YEATS2: variants seen among roughly 807,000 people sequenced by gnomAD.
YEATS2 encodes the protein YEATS domain-containing protein 2.
A neutral mutation model predicts 163.2 loss-of-function variants in YEATS2; 77 were observed. The observed-to-expected ratio is 0.47, with a 90% CI of 0.39 to 0.57. The LOEUF is 0.57. Ranked by LOEUF, YEATS2 falls within the 20% of genes least tolerant of loss-of-function variation. YEATS2 has a pLI of 0.00. For synonymous variants in YEATS2, 631 were observed against 645.1 expected, an observed-to-expected ratio of 0.98 and a Z score of 0.33; for missense variants, 1,549 against 1,729.8, an observed-to-expected ratio of 0.90 and a Z score of 1.85.
In YEATS2 at chr3:183,767,557, A is replaced by T. The variant is rs557085762; in HGVS notation, c.1948-4748A>T. On this transcript the variant is annotated intron_variant, in intron 15 of 30. Coordinates refer to ENST00000305135, the MANE Select transcript of YEATS2 (RefSeq NM_018023.5). ...CACCATGCCTAGCTAATTTTTTTGT[A>T]TTTTTAGTAGAGACAGGGTTTCACT... Among the ~76,000 whole-genome samples the T allele has an allele frequency of 1.4e-4, 21 of 151,866 alleles. No individual in the cohort carries two copies. In the South Asian group the frequency reaches 2.9e-3, roughly 21 times the overall value.
chr3:183,765,536 G>A (rs112685969), intron 15 of YEATS2, among the ~76,000 whole-genome samples: 3,632 of 152,316 alleles, frequency 0.024, 148 homozygotes, highest in African/African-American at 0.083. Context: ...GCAGTAGTGC[G>A]TGAGATGATA....
chr3:183,729,281 A>G (rs1717461209), intron 7 of YEATS2, among the ~76,000 whole-genome samples: 1 of 152,096 alleles, frequency 6.6e-6, no homozygotes, highest in South Asian at 2.1e-4. Context: ...CAAAAAAAAA[A>G]AAAAAGGTAG....
chr3:183,732,468 A>T (rs1018615917), intron 7 of YEATS2, among the ~76,000 whole-genome samples: 7 of 150,286 alleles, frequency 4.7e-5, no homozygotes, highest in Non-Finnish European at 8.9e-5. Flanking sequence ...AAATAAATAA[A>T]AAATAAATAA....
intron 27 of YEATS2, among the ~76,000 whole-genome samples, chr3:183,805,366 C>A (rs1726083683): frequency 1.3e-5 from 2 of 152,208 alleles, no homozygotes; most frequent in African/African-American, 4.8e-5. Flanking sequence ...CACCACTGCA[C>A]TCCAGCCTGG....
chr3:183,795,483 T>TTTA (rs146253574), intron 21 of YEATS2, among the ~76,000 whole-genome samples: 36,375 of 123,198 alleles, frequency 0.3, 7,717 homozygotes, highest in Non-Finnish European at 0.36. Context: ...TTTTTTTTTT[T>TTTA]AGAGACGGGG....
At chr3:183,796,254 T>C (rs1254566636) in intron 21 of YEATS2, among the ~76,000 whole-genome samples, 1 of 149,270 alleles carries the variant, frequency 6.7e-6, no homozygotes, top group Non-Finnish European at 1.5e-5. Flanking sequence ...TGCCTCAGCC[T>C]CCCAAAGTGC....
At chr3:183,759,741 T>C (rs1486832182) in intron 13 of YEATS2, among the ~76,000 whole-genome samples, 1 of 152,204 alleles carries the variant, frequency 6.6e-6, no homozygotes, top group Non-Finnish European at 1.5e-5. Flanking sequence ...GCCCTCAGCT[T>C]ACGCTGGGGT....
At chr3:183,789,339 C>T (rs964178137) in intron 20 of YEATS2, among the ~76,000 whole-genome samples, 4 of 151,982 alleles carry the variant, frequency 2.6e-5, no homozygotes, top group African/African-American at 9.7e-5. Flanking sequence ...ATAAAGATAT[C>T]CAGTTTTCCC....
chr3:183,768,574 T>C lies in YEATS2; in HGVS notation c.1948-3731T>C, dbSNP rs377415059. 1.2e-4 allele frequency among the ~76,000 whole-genome samples: 18 copies of C among 152,208 alleles called. 1 individual carries two copies. Among genetic ancestry groups the C allele is most frequent in the Admixed American group, 5.2e-4 (8 of 15,282 alleles). ...TTTCTTTCATAAATATACAGAAAAG[T>C]TCTTGATCAGTAAGAAGGGTTTCCG... On this transcript the variant is annotated intron_variant, in intron 15 of 30. Transcript: ENST00000305135.
At position 183,810,589 on chromosome 3, in the gene YEATS2, G is replaced by GT; in HGVS notation, c.*7dup. On this transcript the variant is annotated 3_prime_UTR_variant, in exon 31 of 31. Transcript: ENST00000305135. ...TATTGAATGAGGACCAGTGAGCGGA[G>GT]TGAGGTGCCCTGGAGAAGCAGGCTT... The GT allele has an allele frequency of 6.2e-7, 1 of 1,612,756 alleles. No individual in the cohort carries two copies. The highest frequency in any genetic ancestry group is 1.7e-4 in the Middle Eastern group (1 of 6,060).
intron 25 of YEATS2, 72 bp downstream of exon 25, chr3:183,801,600 A>T: frequency 8.5e-7 from 1 of 1,171,820 alleles, no homozygotes; most frequent in Non-Finnish European, 1.2e-6. Flanking sequence ...GTCAACTGAA[A>T]TCACTTGGGA....
At chr3:183,778,756 TTTTCC>T (rs1227360627) in intron 19 of YEATS2, among the ~76,000 whole-genome samples, 1 of 152,200 alleles carries the variant, frequency 6.6e-6, no homozygotes, top group Non-Finnish European at 1.5e-5. Flanking sequence ...AAGTGGAAGC[TTTTCC>T]TTTCTTTTCT....
chr3:183,732,235 G>A (rs911832786), intron 7 of YEATS2, among the ~76,000 whole-genome samples: 1 of 151,686 alleles, frequency 6.6e-6, no homozygotes, highest in Non-Finnish European at 1.5e-5. Flanking sequence ...TGGATCACGA[G>A]ATCAGGCGTT....
chr3:183,725,443 G>A (rs1055053651), intron 6 of YEATS2, among the ~76,000 whole-genome samples: 4 of 152,086 alleles, frequency 2.6e-5, no homozygotes, highest in Admixed American at 6.6e-5. Context: ...AGACATACTC[G>A]AGACTGGGTA....
At chr3:183,794,808 A>T (rs1292447245) in intron 21 of YEATS2, among the ~76,000 whole-genome samples, 3 of 152,068 alleles carry the variant, frequency 2.0e-5, no homozygotes. Context: ...TTTTTAAGGC[A>T]TTTATACCCT....
At chr3:183,799,833 T>G (rs1164625518) in intron 23 of YEATS2, among the ~76,000 whole-genome samples, 4 of 128,808 alleles carry the variant, frequency 3.1e-5, no homozygotes, top group Non-Finnish European at 6.2e-5. Flanking sequence ...TTTTTTTTTC[T>G]TTTTTTTTTT....
At position 183,730,071 on chromosome 3, in the gene YEATS2, T is replaced by G. The variant is rs1454055186; in HGVS notation, c.812+1220T>G. Among the ~76,000 whole-genome samples, 79 of 116,858 alleles carry G rather than the reference T, an allele frequency of 6.8e-4. 2 individuals are homozygous for G. Among genetic ancestry groups the G allele is most frequent in the Middle Eastern group, 3.9e-3 (1 of 258 alleles). The allele number at this position is 116,858 out of a possible 152,430, so 76.7% of individuals were successfully genotyped here. On this transcript the variant is annotated intron_variant, in intron 7 of 30. Transcript: ENST00000305135. ...TTGTTTGTTTTTTTTTTTTTTTTTT[T>G]TTTTTTTTTTTTTTTTGGAGACACA... is the stretch of plus-strand genomic sequence containing the variant.
chr3:183,732,069 A>G (rs561182513), intron 7 of YEATS2, among the ~76,000 whole-genome samples: 38 of 152,232 alleles, frequency 2.5e-4, no homozygotes, highest in Admixed American at 2.4e-3. Context: ...GGAAATGTAT[A>G]TAAGTCTATT....
chr3:183,720,969 T>C (rs1399802137), intron 4 of YEATS2, among the ~76,000 whole-genome samples: 1 of 152,220 alleles, frequency 6.6e-6, no homozygotes, highest in East Asian at 1.9e-4. Context: ...TCCCTCTTCT[T>C]ATAAGCGAGG....
Sources: gnomAD v4.1 joint callset for allele counts (sites outside exome capture counted in the v4.1 genomes callset) on GRCh38, gnomAD v4.1.1 for gene constraint, MANE v1.5 for transcripts, NCBI Gene and HGNC (gene_info 2026-07-23, HGNC 2026-07-21) for gene names.